PTPN5: variants seen among roughly 807,000 people sequenced by gnomAD.
The protein encoded by PTPN5 is tyrosine-protein phosphatase non-receptor type 5.
PTPN5 carries 29 observed loss-of-function variants against 73.9 expected under a neutral mutation model. The ratio of observed to expected loss-of-function variants is 0.39; its 90% CI spans 0.29 to 0.54. The LOEUF (loss-of-function observed/expected upper bound fraction) is 0.54. PTPN5 is among the 20% of genes least tolerant of loss of function. The probability of loss-of-function intolerance (pLI) is 0.65; values close to 1 mark genes in which losing one functional copy is unlikely to be tolerated. For missense variants in PTPN5, 652 were observed against 751.4 expected, an observed-to-expected ratio of 0.87 and a Z score of 1.55; for synonymous variants, 267 against 304.7, an observed-to-expected ratio of 0.88 and a Z score of 1.29.
intron 3 of PTPN5, among the ~76,000 whole-genome samples, chr11:18,747,919 G>A (rs1247472252): frequency 6.6e-6 from 1 of 152,212 alleles, no homozygotes; most frequent in Non-Finnish European, 1.5e-5. Flanking sequence ...GTTGTACACA[G>A]TAAATGGGAA....
intron 3 of PTPN5, among the ~76,000 whole-genome samples, chr11:18,758,293 T>G (rs1393947209): frequency 1.3e-5 from 2 of 152,214 alleles, no homozygotes; most frequent in East Asian, 3.8e-4. Flanking sequence ...AGCTGGGCCT[T>G]AAGAGATCTG....
At position 18,765,890 on chromosome 11, in the gene PTPN5, C is replaced by T. The variant is rs1850624323; in HGVS notation, c.21-7G>A. The T allele has an allele frequency of 1.3e-6, 2 of 1,564,928 alleles. No individual in the cohort carries two copies. The highest frequency in any genetic ancestry group is 1.7e-6 in the Non-Finnish European group (2 of 1,152,792). On this transcript the variant is annotated splice_region_variant and splice_polypyrimidine_tract_variant and intron_variant, in intron 2 of 14. Coordinates refer to ENST00000358540, the MANE Select transcript of PTPN5 (RefSeq NM_006906.2). The stretch of plus-strand genomic sequence containing the variant: ...GTGGTTCTCTCTCTCACTCCTGCAG[C>T]AGGATGGAAAAGGTAAGAATATGCT...
chr11:18,766,649 T>C (rs1203954936), intron 2 of PTPN5, among the ~76,000 whole-genome samples: 1 of 152,052 alleles, frequency 6.6e-6, no homozygotes, highest in Non-Finnish European at 1.5e-5. Flanking sequence ...GCTGGAAAAA[T>C]GTTGCTGGAG....
rs1850928608 is a variant in PTPN5 at position 18,772,077 on chromosome 11, A to G, written c.-113-6T>C. 1 of 702,848 alleles carries G rather than the reference A, an allele frequency of 1.4e-6. No homozygotes were observed. Among genetic ancestry groups the G allele is most frequent in the East Asian group, 3.1e-5 (1 of 32,160 alleles). The allele number at this position is 702,848 out of a possible 1,614,324, so 43.5% of individuals were successfully genotyped here. On this transcript the variant is annotated splice_polypyrimidine_tract_variant and splice_region_variant and intron_variant, in intron 1 of 14. Coordinates refer to ENST00000358540, the MANE Select transcript of PTPN5 (RefSeq NM_006906.2). Reference sequence around the variant, plus strand: ...GGCAGCTTCAGATCATCCAGCTGGGAAAACGGGGCAAAGAGAGATTAAGTG... The same window carrying G: ...GGCAGCTTCAGATCATCCAGCTGGGGAAACGGGGCAAAGAGAGATTAAGTG...
chr11:18,740,781 T>C lies in PTPN5; in HGVS notation c.737A>G (p.Asn246Ser), dbSNP rs1170426021. ...SMGLQERRGSNVSLTLDMCTP... is the reference protein window; with the variant it reads ...SMGLQERRGSSVSLTLDMCTP... ...GCACATGTCCAGGGTCAGGGAGACA[T>C]TGGAACCCCTCCTGGAAGGACCAGG... Residue 246 changes from asparagine (N) to serine (S), a missense_variant, in exon 8 of 15, where the codon AAT (asparagine) becomes AGT (serine). Asn to Ser is a conservative substitution (Grantham distance 46). Around this residue, in one of 3 missense-constraint regions of PTPN5, gnomAD observed 529 missense variants for 573.9 expected, o/e 0.92. Coordinates refer to ENST00000358540, the MANE Select transcript of PTPN5 (RefSeq NM_006906.2). 1.9e-6 allele frequency: 3 copies of C among 1,548,516 alleles called. No homozygotes were observed. The highest frequency in any genetic ancestry group is 1.8e-6 in the Non-Finnish European group (2 of 1,142,650).
chr11:18,739,443 C>A (rs930474460), intron 8 of PTPN5, among the ~76,000 whole-genome samples: 9 of 152,130 alleles, frequency 5.9e-5, no homozygotes, highest in Admixed American at 3.3e-4. Context: ...CGAGACTGGC[C>A]CAGTTTGAAG....
intron 1 of PTPN5, among the ~76,000 whole-genome samples, chr11:18,779,171 C>T (rs1448707321): frequency 1.3e-5 from 2 of 152,314 alleles, no homozygotes; most frequent in Middle Eastern, 3.4e-3. Context: ...CTCATCAGGG[C>T]CCCTACCCTC....
chr11:18,731,365 A>T (rs1403649352), intron 12 of PTPN5, among the ~76,000 whole-genome samples: 1 of 152,058 alleles, frequency 6.6e-6, no homozygotes, highest in South Asian at 2.1e-4. Flanking sequence ...ATGCTTCTCA[A>T]GGAAAGAGTC....
intron 12 of PTPN5, among the ~76,000 whole-genome samples, chr11:18,731,251 T>C (rs898021508): frequency 1.3e-5 from 2 of 149,854 alleles, no homozygotes; most frequent in Non-Finnish European, 3.0e-5. Context: ...TATACATACA[T>C]ATATGATATA....
intron 3 of PTPN5, among the ~76,000 whole-genome samples, chr11:18,755,057 T>C (rs923753007): frequency 6.6e-6 from 1 of 152,198 alleles, no homozygotes; most frequent in Non-Finnish European, 1.5e-5. Flanking sequence ...GTGACTTCCA[T>C]CTTGGACACA....
intron 3 of PTPN5, among the ~76,000 whole-genome samples, chr11:18,756,933 A>C (rs1284600694): frequency 7.1e-5 from 9 of 125,978 alleles, no homozygotes; most frequent in South Asian, 2.7e-4. Flanking sequence ...AAAAAAAAAA[A>C]AAACCAAAAA....
rs143809255 is a variant in PTPN5 at position 18,782,475 on chromosome 11, G to A, written c.-114+9050C>T. 7.2e-5 allele frequency among the ~76,000 whole-genome samples: 11 copies of A among 152,270 alleles called. No individual in the cohort carries two copies. The East Asian group carries it at 1.5e-3, about 21-fold the overall frequency. On this transcript the variant is annotated intron_variant, in intron 1 of 14. Coordinates refer to ENST00000358540, the MANE Select transcript of PTPN5 (RefSeq NM_006906.2). ...ACTCCTGACCTCAGATGATCCACCC[G>A]TCTTGGCCTTCCAAAGTGCTGGGGT...
At chr11:18,746,158 T>TATAA (rs1316135950) in intron 3 of PTPN5, among the ~76,000 whole-genome samples, 1 of 86,604 alleles carries the variant, frequency 1.2e-5, no homozygotes, top group African/African-American at 4.5e-5. Flanking sequence ...CTGTTATAAA[T>TATAA]ATAAATATAT....
chr11:18,747,945 G>A (rs1564903088), intron 3 of PTPN5, among the ~76,000 whole-genome samples: 1 of 152,172 alleles, frequency 6.6e-6, no homozygotes, highest in Admixed American at 6.5e-5. Flanking sequence ...AAGCCAGGTA[G>A]TAACACCAGT....
At chr11:18,756,462 A>G (rs532967439) in intron 3 of PTPN5, among the ~76,000 whole-genome samples, 3 of 151,886 alleles carry the variant, frequency 2.0e-5, no homozygotes, top group African/African-American at 7.2e-5. Context: ...ATGCCTGGCT[A>G]GTTTTTGTAT....
Position 18,761,203 on chromosome 11 carries a change from G to A in PTPN5, c.97+4604C>T, listed in dbSNP as rs375106686. Among the ~76,000 whole-genome samples, 188 of 152,346 alleles carry A rather than the reference G, an allele frequency of 1.2e-3. 5 individuals are homozygous for A. The South Asian group carries it at 0.037, about 30-fold the overall frequency. On this transcript the variant is annotated intron_variant, in intron 3 of 14. Transcript: ENST00000358540. ...CGAGTCTGCATGATGATGCTGCTGA[G>A]AGCAACACCTGGTGATGTTGCTCTA...
At chr11:18,760,517 T>A (rs1036301132) in intron 3 of PTPN5, among the ~76,000 whole-genome samples, 1 of 152,124 alleles carries the variant, frequency 6.6e-6, no homozygotes, top group African/African-American at 2.4e-5. Flanking sequence ...TTGCAAGACA[T>A]CAGGATCTAA....
At chr11:18,743,984 G>A (rs755645982) in intron 4 of PTPN5, 22 bp downstream of exon 4, 1 of 1,571,316 alleles carries the variant, frequency 6.4e-7, no homozygotes. Context: ...CCAGACCCTT[G>A]TGAGGCCTGT....
chr11:18,737,310 G>A (rs1462217064), intron 9 of PTPN5, among the ~76,000 whole-genome samples: 9 of 152,162 alleles, frequency 5.9e-5, no homozygotes, highest in Non-Finnish European at 1.2e-4. Flanking sequence ...TGCTCGTGCC[G>A]CCTCACTTGA....
Sources: gnomAD v4.1 joint callset for allele counts (sites outside exome capture counted in the v4.1 genomes callset) on GRCh38, gnomAD v4.1.1 for gene constraint, gnomAD v4.1.1 regional missense constraint, MANE v1.5 for transcripts, NCBI Gene and HGNC (gene_info 2026-07-23, HGNC 2026-07-21) for gene names.